MMP17: variants seen among roughly 807,000 people sequenced by gnomAD.
MMP17 encodes the protein matrix metalloproteinase-17.
Under a neutral mutation model 49.1 loss-of-function variants are expected in MMP17, and 54 were observed. The observed-to-expected ratio is 1.10, with a 90% CI of 0.88 to 1.38. MMP17 has a LOEUF of 1.38. Ranked by LOEUF, MMP17 falls within the 40% of genes most tolerant of loss-of-function variation. The pLI is 0.00. For synonymous variants in MMP17, 397 were observed against 383.1 expected, an observed-to-expected ratio of 1.04 and a Z score of -0.42; for missense variants, 837 against 853.7, an observed-to-expected ratio of 0.98 and a Z score of 0.24.
intron 5 of MMP17, 114 bp downstream of exon 5, chr12:131,841,914 C>T (rs1169611353): frequency 1.1e-5 from 13 of 1,190,984 alleles, no homozygotes; most frequent in Admixed American, 2.5e-5. Flanking sequence ...GTTCCCTCCA[C>T]GGATGGTGCC....
chr12:131,831,158 G>C (rs1438255776), intron 1 of MMP17, among the ~76,000 whole-genome samples: 1 of 152,244 alleles, frequency 6.6e-6, no homozygotes, highest in African/African-American at 2.4e-5. Context: ...GCCTGCTTCT[G>C]GCCAGAACTT....
In MMP17 at chr12:131,847,387, T is replaced by C. The variant is rs577025811; in HGVS notation, c.1204+1938T>C. The stretch of plus-strand genomic sequence containing the variant: ...GAGATCACACCACTGGACTCCAGCC[T>C]GGGTGACAGAGCGAGACTCCGTCTC... On this transcript the variant is annotated intron_variant, in intron 8 of 9. Coordinates refer to ENST00000360564, the MANE Select transcript of MMP17 (RefSeq NM_016155.7). Among the ~76,000 whole-genome samples the C allele has an allele frequency of 1.1e-4, 15 of 140,604 alleles. No homozygotes were observed. The South Asian group carries it at 3.1e-3, about 29-fold the overall frequency. The allele number at this position is 140,604 out of a possible 152,430, so 92.2% of individuals were successfully genotyped here.
Position 131,849,956 on chromosome 12 carries a change from C to T in MMP17, c.1359C>T (p.Arg453=), listed in dbSNP as rs763674269. The change falls in exon 9 of 10, where the codon CGC becomes CGT. Residue 453 remains arginine (R), a synonymous_variant. Coordinates refer to ENST00000360564, the MANE Select transcript of MMP17 (RefSeq NM_016155.7). ...TCTTTAAGGACCAGCTGTACTGGCG[C>T]TACGATGACCACACGAGGCACATGG... The part of the protein sequence containing the change: ...TYFFKDQLYW[R]YDDHTRHMDP... The T allele has an allele frequency of 2.5e-6, 4 of 1,614,004 alleles. No individual in the cohort carries two copies. The highest frequency in any genetic ancestry group is 3.4e-6 in the Non-Finnish European group (4 of 1,179,998).
chr12:131,835,803 G>A (rs1887055873), intron 1 of MMP17, among the ~76,000 whole-genome samples: 1 of 152,184 alleles, frequency 6.6e-6, no homozygotes. Context: ...TAACCATGAG[G>A]CACAGTGGCC....
At chr12:131,847,209 G>A (rs574285589) in intron 8 of MMP17, among the ~76,000 whole-genome samples, 6 of 151,726 alleles carry the variant, frequency 4.0e-5, no homozygotes, top group East Asian at 1.9e-4. Flanking sequence ...TCAGGAAATC[G>A]AGACCATCCT....
chr12:131,847,578 C>T (rs866467826), intron 8 of MMP17, among the ~76,000 whole-genome samples: 3 of 152,240 alleles, frequency 2.0e-5, no homozygotes, highest in South Asian at 2.1e-4. Flanking sequence ...CCATCACGTG[C>T]GGCTCCCCTG....
chr12:131,844,937 G>GAT, intron 6 of MMP17, 181 bp from the exon 7 acceptor site: 2 of 411,038 alleles, frequency 4.9e-6, no homozygotes, highest in Non-Finnish European at 8.4e-6. Context: ...GCCCCCGCCC[G>GAT]CTGAAGCGGT....
rs1199487198 is a variant in MMP17 at position 131,828,470 on chromosome 12, C to A, written c.-25C>A. The A allele has an allele frequency of 1.6e-5, 16 of 990,812 alleles. No individual in the cohort carries two copies. The highest frequency in any genetic ancestry group is 6.1e-5 in the Admixed American group (1 of 16,284). The allele number at this position is 990,812 out of a possible 1,614,324, so 61.4% of individuals were successfully genotyped here. On this transcript the variant is annotated 5_prime_UTR_variant, in exon 1 of 10. Transcript: ENST00000360564. ...AGCGGAGGGCGCGGGACCCTGCACG[C>A]CGCCCGCGGGCCCATGTGAGCGCCA...
In MMP17 at chr12:131,838,199, G is replaced by A; in HGVS notation, c.164G>A (p.Trp55Ter). ...CACCCTGCTCTCTGCCCTCAGGAGT[G>A]GCTAAGCAGGTTCGGTTACCTGCCC... ...RAEDLSLGVE[W>*]LSRFGYLPPA... The change falls in exon 2 of 10, where the codon TGG becomes TAG. Residue 55 changes from tryptophan to a stop codon, truncating the protein, a stop_gained. Transcript: ENST00000360564. LOFTEE classifies it high-confidence loss of function. The A allele has an allele frequency of 2.5e-6, 4 of 1,612,568 alleles. No homozygotes were observed. Among genetic ancestry groups the A allele is most frequent in the Non-Finnish European group, 2.5e-6 (3 of 1,179,504 alleles).
chr12:131,831,004 G>A (rs1027426711), intron 1 of MMP17, among the ~76,000 whole-genome samples: 2 of 152,228 alleles, frequency 1.3e-5, no homozygotes, highest in African/African-American at 4.8e-5. Flanking sequence ...CCTGGTTCCT[G>A]GGCACGGATG....
chr12:131,837,163 C>T (rs1887125171), intron 1 of MMP17, among the ~76,000 whole-genome samples: 1 of 152,236 alleles, frequency 6.6e-6, no homozygotes, highest in African/African-American at 2.4e-5. Context: ...TTTCCACGTC[C>T]TGGCTCACGT....
Position 131,841,739 on chromosome 12 carries a change from G to C in MMP17, c.822G>C (p.Val274=). 6.2e-7 allele frequency: 1 copy of C among 1,613,400 alleles called. No individual in the cohort carries two copies. Residue 274 remains valine, a synonymous_variant, in exon 5 of 10, where the codon GTG becomes GTC. Transcript: ENST00000360564. ...SIMRPYYQGP[V]GDPLRYGLPY... ...TGCGGCCGTACTACCAGGGCCCGGT[G>C]GGTGACCCGCTGCGCTACGGGCTCC... is the stretch of plus-strand genomic sequence containing the variant.
chr12:131,845,533 G>C (rs1484994233), intron 8 of MMP17, 84 bp downstream of exon 8: 9 of 1,459,956 alleles, frequency 6.2e-6, no homozygotes, highest in Non-Finnish European at 7.2e-6. Flanking sequence ...CAGCCTGCGT[G>C]TAAGCCCTAC....
intron 5 of MMP17, 112 bp from the exon 6 acceptor site, chr12:131,843,885 C>G (rs1887553501): frequency 1.4e-6 from 1 of 736,732 alleles, no homozygotes; most frequent in South Asian, 1.9e-5. Flanking sequence ...CCCCACAGAG[C>G]CTGTCTGCTG....
At chr12:131,828,727 A>G in intron 1 of MMP17, 74 bp downstream of exon 1, 1 of 176,908 alleles carries the variant, frequency 5.7e-6, no homozygotes, top group East Asian at 1.6e-4. Context: ...GGTGGCGGGG[A>G]CCGGGAAGAC....
intron 6 of MMP17, 153 bp downstream of exon 6, chr12:131,844,234 A>G (rs1887576365): frequency 4.5e-6 from 3 of 670,732 alleles, no homozygotes; most frequent in Middle Eastern, 3.6e-4. Context: ...TCTTTTCTTA[A>G]ACCCCATCTA....
chr12:131,839,243 C>T (rs1887255107), intron 3 of MMP17, among the ~76,000 whole-genome samples: 1 of 152,134 alleles, frequency 6.6e-6, no homozygotes, highest in African/African-American at 2.4e-5. Context: ...CAGGATGCTC[C>T]TCGGATTTAG....
intron 1 of MMP17, among the ~76,000 whole-genome samples, chr12:131,835,483 G>C (rs1471412422): frequency 6.6e-6 from 1 of 152,254 alleles, no homozygotes; most frequent in African/African-American, 2.4e-5. Context: ...TGGCCAGGCT[G>C]CCCAGCTCCC....
In MMP17 at chr12:131,838,742, G is replaced by A; in HGVS notation, c.422+1G>A. On this transcript the variant is annotated splice_donor_variant, in intron 3 of 9. Coordinates refer to ENST00000360564, the MANE Select transcript of MMP17 (RefSeq NM_016155.7). LOFTEE classifies it high-confidence loss of function. ...GGAACAAGAGGAACCTGTCGTGGAG[G>A]TGGGTGTGTGGCCAGGGTGAGGAGC... 1 of 1,563,152 alleles carries A rather than the reference G, an allele frequency of 6.4e-7. No homozygotes were observed. The highest frequency in any genetic ancestry group is 8.7e-7 in the Non-Finnish European group (1 of 1,154,164).
Sources: allele counts gnomAD v4.1 joint callset (sites outside exome capture counted in the v4.1 genomes callset), GRCh38; gene constraint gnomAD v4.1.1; transcripts MANE v1.5; gene names NCBI Gene and HGNC (gene_info 2026-07-23, HGNC 2026-07-21).